MMP26: variants seen among roughly 807,000 people sequenced by gnomAD.
MMP26 encodes matrix metalloproteinase-26.
In MMP26, 33 loss-of-function variants were observed where a neutral mutation model predicts 31.0. The observed-to-expected ratio is 1.06, with a 90% CI of 0.81 to 1.42. MMP26 has a LOEUF of 1.42. MMP26 is among the 40% of genes most tolerant of loss of function. MMP26 has a pLI of 0.00. For missense variants in MMP26, 347 were observed against 316.1 expected, an observed-to-expected ratio of 1.10 and a Z score of -0.74; for synonymous variants, 122 against 114.9, an observed-to-expected ratio of 1.06 and a Z score of -0.40.
At chr11:4,721,433 A>ACAT (rs1848010468) in intron 1 of MMP26, among the ~76,000 whole-genome samples, 1 of 152,172 alleles carries the variant, frequency 6.6e-6, no homozygotes, top group African/African-American at 2.4e-5. Context: ...TTCTCCTAGG[A>ACAT]CATGCCCCCT....
chr11:4,907,584 G>T, intron 2 of MMP26: 1 of 1,613,766 alleles, frequency 6.2e-7, no homozygotes, highest in Non-Finnish European at 8.5e-7. Context: ...TCTGACATGG[G>T]CCTGTCCCTC....
At chr11:4,916,930 G>A (rs775338107) in intron 2 of MMP26, among the ~76,000 whole-genome samples, 22 of 152,166 alleles carry the variant, frequency 1.4e-4, no homozygotes, top group Non-Finnish European at 1.6e-4. Context: ...TGCTGGAAAG[G>A]CCCAGTCTTC....
intron 2 of MMP26, chr11:4,860,203 G>A: frequency 2.1e-6 from 1 of 471,014 alleles, no homozygotes; most frequent in South Asian, 1.5e-5. Flanking sequence ...TCTGTCAAAG[G>A]CCATGGACAC....
chr11:4,758,801 A>G (rs1022624244), intron 1 of MMP26, among the ~76,000 whole-genome samples: 5 of 152,152 alleles, frequency 3.3e-5, no homozygotes, highest in Non-Finnish European at 5.9e-5. Context: ...TGTGTTTACT[A>G]TACGACTTTT....
chr11:4,804,269 A>T, intron 2 of MMP26: 1 of 1,613,912 alleles, frequency 6.2e-7, no homozygotes, highest in African/African-American at 1.3e-5. Context: ...GCCACAGCAT[A>T]CGTGGCACAG....
chr11:4,825,340 G>T (rs1849565214), intron 2 of MMP26, among the ~76,000 whole-genome samples: 1 of 152,110 alleles, frequency 6.6e-6, no homozygotes, highest in African/African-American at 2.4e-5. Flanking sequence ...TATCACAGAA[G>T]ATCTGTCAAA....
chr11:4,894,932 T>C (rs575472447), intron 2 of MMP26, among the ~76,000 whole-genome samples: 1 of 152,310 alleles, frequency 6.6e-6, no homozygotes, highest in East Asian at 1.9e-4. Flanking sequence ...TATAGAGCTC[T>C]GTGGCATAAT....
chr11:4,810,662 C>T (rs1384739253), intron 2 of MMP26, among the ~76,000 whole-genome samples: 1 of 152,156 alleles, frequency 6.6e-6, no homozygotes, highest in African/African-American at 2.4e-5. Flanking sequence ...TGTGAGACCC[C>T]TCACCTCTGA....
chr11:4,937,629 A>C (rs904243692), intron 2 of MMP26: 1 of 152,692 alleles, frequency 6.5e-6, no homozygotes, highest in African/African-American at 2.4e-5. Flanking sequence ...CAGCCCTTAA[A>C]ATCATAATTT....
In MMP26 at chr11:4,991,482, C is replaced by A; in HGVS notation, c.581C>A (p.Ser194Ter). 6.2e-7 allele frequency: 1 copy of A among 1,613,620 alleles called. No individual in the cohort carries two copies. Among genetic ancestry groups the A allele is most frequent in the South Asian group, 1.1e-5 (1 of 90,926 alleles). Residue 194 changes from serine to a stop codon, truncating the protein, a stop_gained, in exon 6 of 8, where the codon TCA becomes TAA. Coordinates refer to ENST00000380390, the MANE Select transcript of MMP26 (RefSeq NM_021801.5). LOFTEE classifies it high-confidence loss of function. Reference sequence around the variant, plus strand: ...CATTTTGACAAGAATGAACACTGGTCAGCTTCAGACACTGGTAAATGCCTT... The same window carrying A: ...CATTTTGACAAGAATGAACACTGGTAAGCTTCAGACACTGGTAAATGCCTT... ...VVHFDKNEHWSASDTGYNLFL... is the reference protein window; with the variant it reads ...VVHFDKNEHW
At chr11:4,770,960 C>T (rs1485451418) in intron 2 of MMP26, among the ~76,000 whole-genome samples, 2 of 152,086 alleles carry the variant, frequency 1.3e-5, no homozygotes, top group Non-Finnish European at 2.9e-5. Context: ...AGCTGAGAGC[C>T]ATTAGCGATC....
rs769575019 is a variant in MMP26, at chr11:4,991,956, T to C, written c.596-8T>C. On this transcript the variant is annotated splice_polypyrimidine_tract_variant and splice_region_variant and intron_variant, in intron 6 of 7. Coordinates refer to ENST00000380390, the MANE Select transcript of MMP26 (RefSeq NM_021801.5). ...AATTTTATCTTTTTTTTTTCTATAA[T>C]TTTTCAGGATATAATCTGTTCCTGG... 3 of 1,576,548 alleles carry C rather than the reference T, an allele frequency of 1.9e-6. No homozygotes were observed. The highest frequency in any genetic ancestry group is 8.6e-7 in the Non-Finnish European group (1 of 1,168,660).
chr11:4,848,412 G>T (rs760676788), intron 2 of MMP26: 1 of 1,614,002 alleles, frequency 6.2e-7, no homozygotes, highest in Admixed American at 1.7e-5. Flanking sequence ...GTTAATCAGT[G>T]CCAGGAGGAT....
chr11:4,880,636 A>T (rs1248791798), intron 2 of MMP26, among the ~76,000 whole-genome samples: 2 of 152,168 alleles, frequency 1.3e-5, no homozygotes, highest in East Asian at 3.9e-4. Context: ...AAAAACGTGC[A>T]TTCCCAAACT....
At chr11:4,797,744 G>A (rs549500103) in intron 2 of MMP26, among the ~76,000 whole-genome samples, 2 of 152,258 alleles carry the variant, frequency 1.3e-5, no homozygotes, top group South Asian at 2.1e-4. Context: ...AGTTTTGCAC[G>A]ACTCCAGGGA....
intron 1 of MMP26, among the ~76,000 whole-genome samples, chr11:4,716,650 CTTTTTTTTTTT>C (rs71050424): frequency 1.2e-4 from 8 of 65,042 alleles, no homozygotes; most frequent in Admixed American, 2.4e-4. Flanking sequence ...TCTCTTACCT[CTTTTTTTTTTT>C]TTTTTTTTTT....
intron 2 of MMP26, among the ~76,000 whole-genome samples, chr11:4,767,883 C>T (rs765678099): frequency 5.3e-5 from 8 of 152,076 alleles, no homozygotes; most frequent in Non-Finnish European, 1.2e-4. Flanking sequence ...TTTATTCTGC[C>T]ATTATATGCA....
intron 2 of MMP26, among the ~76,000 whole-genome samples, chr11:4,804,900 T>C (rs781355732): frequency 6.6e-6 from 1 of 151,090 alleles, no homozygotes; most frequent in African/African-American, 2.4e-5. Context: ...AACCCAGGAG[T>C]TGGACGTTGC....
At chr11:4,798,022 G>T (rs1439547887) in intron 2 of MMP26, among the ~76,000 whole-genome samples, 1 of 152,214 alleles carries the variant, frequency 6.6e-6, no homozygotes, top group African/African-American at 2.4e-5. Context: ...TTCACATGCT[G>T]AAATGCAGTG....
Sources: allele counts gnomAD v4.1 joint callset (sites outside exome capture counted in the v4.1 genomes callset), GRCh38; gene constraint gnomAD v4.1.1; transcripts MANE v1.5; gene names NCBI Gene and HGNC (gene_info 2026-07-23, HGNC 2026-07-21).